The following KHDRBS2 variants were observed in gnomAD, a reference collection of about 807,000 sequenced individuals.
The protein encoded by KHDRBS2 is KH domain-containing, RNA-binding, signal transduction-associated protein 2.
KHDRBS2 carries 26 observed loss-of-function variants against 44.3 expected under a neutral mutation model. The observed-to-expected ratio is 0.59, with a 90% CI of 0.43 to 0.81. The LOEUF (loss-of-function observed/expected upper bound fraction) is 0.81, where lower values mean the gene tolerates loss of function less well. KHDRBS2 is among the 40% of genes least tolerant of loss of function. The pLI, the probability that KHDRBS2 is intolerant of heterozygous loss-of-function variation, is 0.00. For missense variants in KHDRBS2, 476 were observed against 433.1 expected (o/e 1.10, Z -0.88); for synonymous variants, 194 against 151.1 (o/e 1.28, Z -2.08).
rs1554236995 is a variant in KHDRBS2, at chr6:61,848,576, C to CGT, written c.810+46058_810+46059insAC. On this transcript the variant is annotated intron_variant, in intron 6 of 8. Transcript: ENST00000281156. ...ACATATATATATGTATATATATATACATATATATATATATATACTTTTTTT... is the reference window on the plus strand; with the variant it reads ...ACATATATATATGTATATATATATACGTATATATATATATATATACTTTTTTT... 2.0e-4 allele frequency among the ~76,000 whole-genome samples: 6 copies of CGT among 30,012 alleles called. No homozygotes were observed. The East Asian group carries it at 2.3e-3, about 12-fold the overall frequency. The allele number at this position is 30,012 out of a possible 152,430, so 19.7% of individuals were successfully genotyped here.
chr6:61,772,728 G>A (rs1215228595), intron 6 of KHDRBS2, among the ~76,000 whole-genome samples: 9 of 151,950 alleles, frequency 5.9e-5, no homozygotes, highest in Admixed American at 2.6e-4. Flanking sequence ...CCACGCTGGT[G>A]TGCTGAACCC....
intron 2 of KHDRBS2, among the ~76,000 whole-genome samples, chr6:62,082,156 G>T (rs1285273487): frequency 6.6e-6 from 1 of 152,112 alleles, no homozygotes; most frequent in Non-Finnish European, 1.5e-5. Flanking sequence ...TAATGGAAGT[G>T]TAGGACTGGG....
At chr6:61,614,461 A>G in the KHDRBS2 span, among the ~76,000 whole-genome samples, 1 of 152,224 alleles carries the variant, frequency 6.6e-6, no homozygotes, top group African/African-American at 2.4e-5. Context: ...ACAAAATAAT[A>G]TAATTTTATC....
intron 6 of KHDRBS2, among the ~76,000 whole-genome samples, chr6:61,891,476 T>G (rs946461521): frequency 1.3e-5 from 2 of 152,158 alleles, no homozygotes; most frequent in African/African-American, 4.8e-5. Flanking sequence ...TTCCCTCTTT[T>G]TCTACTGACT....
chr6:61,619,325 C>T, the KHDRBS2 span, among the ~76,000 whole-genome samples: 2 of 151,388 alleles, frequency 1.3e-5, no homozygotes, highest in Admixed American at 6.6e-5. Flanking sequence ...GTACTCATAG[C>T]TTAGCTTCCA....
the KHDRBS2 span, among the ~76,000 whole-genome samples, chr6:61,563,942 G>A: frequency 3.9e-5 from 6 of 152,070 alleles, no homozygotes; most frequent in Admixed American, 1.3e-4. Context: ...AGAGGAATGA[G>A]AGTCCGCTTA....
Position 61,786,410 on chromosome 6 carries a change from A to C in KHDRBS2, c.811-53646T>G, listed in dbSNP as rs564585217. ...ATTTGCTTAATAAGCAATTTGAATG[A>C]AATTAACACATGTTCATTGGAGAAA... is the stretch of plus-strand genomic sequence containing the variant. On this transcript the variant is annotated intron_variant, in intron 6 of 8. Transcript: ENST00000281156. Among the ~76,000 whole-genome samples the C allele has an allele frequency of 4.6e-5, 7 of 152,202 alleles. No individual in the cohort carries two copies. The South Asian group carries it at 1.4e-3, about 32-fold the overall frequency.
intron 3 of KHDRBS2, among the ~76,000 whole-genome samples, chr6:62,014,976 C>T (rs773233150): frequency 6.6e-6 from 1 of 151,870 alleles, no homozygotes; most frequent in Non-Finnish European, 1.5e-5. Context: ...GATTTTTTTA[C>T]CTTGGCAAAC....
chr6:61,676,103 A>G (rs1000431402), downstream of KHDRBS2, among the ~76,000 whole-genome samples: 5 of 151,798 alleles, frequency 3.3e-5, no homozygotes, highest in African/African-American at 1.2e-4. Flanking sequence ...TGACAAGAGA[A>G]GGCATCCTCT....
chr6:61,809,834 C>T (rs530519050), intron 6 of KHDRBS2, among the ~76,000 whole-genome samples: 22 of 152,172 alleles, frequency 1.4e-4, no homozygotes, highest in South Asian at 1.0e-3. Context: ...ATAAATCATG[C>T]GGGAAATTCT....
At chr6:61,847,335 T>C (rs1250203079) in intron 6 of KHDRBS2, among the ~76,000 whole-genome samples, 2 of 152,164 alleles carry the variant, frequency 1.3e-5, no homozygotes, top group African/African-American at 4.8e-5. Flanking sequence ...GAAGACTAAG[T>C]AGGCCTATTG....
chr6:61,916,488 T>C (rs892257034), intron 4 of KHDRBS2, among the ~76,000 whole-genome samples: 2 of 151,968 alleles, frequency 1.3e-5, no homozygotes, highest in African/African-American at 4.8e-5. Context: ...AAAGGAACTT[T>C]TATATTTATC....
the KHDRBS2 span, among the ~76,000 whole-genome samples, chr6:61,587,312 C>G: frequency 6.6e-6 from 1 of 152,062 alleles, no homozygotes; most frequent in African/African-American, 2.4e-5. Flanking sequence ...ACCATGTGTC[C>G]AGGGACAGTC....
At chr6:62,224,472 CT>C (rs1265079646) in intron 1 of KHDRBS2, among the ~76,000 whole-genome samples, 1 of 152,130 alleles carries the variant, frequency 6.6e-6, no homozygotes, top group African/African-American at 2.4e-5. Context: ...ACTCTTTCAT[CT>C]GGTATTAAGA....
intron 1 of KHDRBS2, among the ~76,000 whole-genome samples, chr6:62,239,018 A>T (rs1193315733): frequency 6.6e-6 from 1 of 152,194 alleles, no homozygotes; most frequent in Non-Finnish European, 1.5e-5. Context: ...ATGAAAGACA[A>T]AGATGTTAGG....
rs2127537179 is a variant in KHDRBS2, at chr6:61,680,222, A to T, written c.*741T>A. The T allele has an allele frequency of 6.6e-6, 1 of 152,512 alleles. No individual in the cohort carries two copies. Among genetic ancestry groups the T allele is most frequent in the South Asian group, 2.1e-4 (1 of 4,826 alleles). 9.4% of individuals were successfully genotyped at this position (152,512 alleles called of 1,614,324 possible). A position where few individuals can be genotyped will look rare whatever the true frequency, so the allele number is the denominator to read the frequency against. On this transcript the variant is annotated 3_prime_UTR_variant, in exon 9 of 9. Transcript: ENST00000281156. ...AGCAGGCATTTAAAGCTAGAAAACA[A>T]GTAATTCCAAATTTAATTTTTACAA...
chr6:61,608,332 ATGTGTG>A, the KHDRBS2 span, among the ~76,000 whole-genome samples: 89,178 of 150,766 alleles, frequency 0.59, 26,504 homozygotes, highest in Non-Finnish European at 0.61. Context: ...ATATATACAT[ATGTGTG>A]TGTGTGTGTG....
At chr6:61,580,993 G>A in the KHDRBS2 span, among the ~76,000 whole-genome samples, 1 of 152,112 alleles carries the variant, frequency 6.6e-6, no homozygotes, top group Admixed American at 6.6e-5. Context: ...TACAAATAAT[G>A]AAACATAATA....
intron 2 of KHDRBS2, among the ~76,000 whole-genome samples, chr6:62,103,802 T>A (rs1284869657): frequency 2.0e-5 from 3 of 152,010 alleles, no homozygotes; most frequent in Non-Finnish European, 4.4e-5. Flanking sequence ...TCAGAAACAA[T>A]GAAACAAGAC....
Sources: gnomAD v4.1 joint callset for allele counts (sites outside exome capture counted in the v4.1 genomes callset) on GRCh38, gnomAD v4.1.1 for gene constraint, MANE v1.5 for transcripts, NCBI Gene and HGNC (gene_info 2026-07-23, HGNC 2026-07-21) for gene names.